The following PPARA variants were observed in gnomAD, a reference collection of about 807,000 sequenced individuals.
PPARA encodes peroxisome proliferator activated receptor alpha.
A neutral mutation model predicts 42.2 loss-of-function variants in PPARA; 22 were observed. The ratio of observed to expected loss-of-function variants is 0.52; its 90% CI spans 0.37 to 0.74. The LOEUF (loss-of-function observed/expected upper bound fraction) is 0.74, where lower values mean the gene tolerates loss of function less well. Among genes scored for constraint, PPARA ranks in the 30% least tolerant of loss-of-function variants. The pLI is 0.00. For missense variants in PPARA, 465 were observed against 608.2 expected (o/e 0.76, Z 2.48); for synonymous variants, 242 against 239.3 (o/e 1.01, Z -0.10).
rs187273495 is a variant in PPARA at position 46,186,593 on chromosome 22, T to C, written c.-43+9757T>C. Among the ~76,000 whole-genome samples, 191 of 152,182 alleles carry C rather than the reference T, an allele frequency of 1.3e-3. 2 individuals are homozygous for C. The highest frequency in any genetic ancestry group is 8.2e-3 in the Admixed American group (125 of 15,270). ...TGTCATTAACCTAAATTTACAGTTATTGAAACTGAGGTTCAGCCAGGCGTA... is the reference window on the plus strand; with the variant it reads ...TGTCATTAACCTAAATTTACAGTTACTGAAACTGAGGTTCAGCCAGGCGTA... On this transcript the variant is annotated intron_variant, in intron 3 of 8. Transcript: ENST00000407236.
At position 46,167,062 on chromosome 22, in the gene PPARA, G is replaced by T. The variant is rs948041436; in HGVS notation, c.-126-9691G>T. 3.9e-5 allele frequency among the ~76,000 whole-genome samples: 6 copies of T among 152,096 alleles called. No individual in the cohort carries two copies. The highest frequency in any genetic ancestry group is 1.4e-4 in the African/African-American group (6 of 41,408). On this transcript the variant is annotated intron_variant, in intron 2 of 8. Transcript: ENST00000407236. This position sits in a 1 kb window ranked among gnomAD's most constrained non-coding sequence, Gnocchi z 4.1. Reference sequence around the variant, plus strand: ...TTAGATGAATGGAACAGAATAGCAAGTCCAGAAATAGATCCACACATATAT... The same window carrying T: ...TTAGATGAATGGAACAGAATAGCAATTCCAGAAATAGATCCACACATATAT...
In PPARA at chr22:46,188,391, C is replaced by T. The variant is rs1396933011; in HGVS notation, c.-42-9951C>T. 6.6e-6 allele frequency among the ~76,000 whole-genome samples: 1 copy of T among 152,142 alleles called. No homozygotes were observed. The highest frequency in any genetic ancestry group is 2.4e-5 in the African/African-American group (1 of 41,432). ...TTACCCTCCTTTCTGTTGGGTTTTC[C>T]TATGGAATATCCAGTCAGCCTTTAG... is the stretch of plus-strand genomic sequence containing the variant. On this transcript the variant is annotated intron_variant, in intron 3 of 8. Transcript: ENST00000407236. This position sits in a 1 kb window ranked among gnomAD's most constrained non-coding sequence, Gnocchi z 5.0.
rs923689066 is a variant in PPARA, at chr22:46,212,485, T to G, written c.209-2688T>G. On this transcript the variant is annotated intron_variant, in intron 4 of 8. Transcript: ENST00000407236. The surrounding 1 kb of genome is among the most constrained non-coding windows in gnomAD (Gnocchi z 4.2). ...TTTTTACCATTGCTATAATTTTGCC[T>G]TTTCCAGAACGCCATGAATTTGAAA... is the stretch of plus-strand genomic sequence containing the variant. 6.6e-6 allele frequency among the ~76,000 whole-genome samples: 1 copy of G among 152,206 alleles called. No homozygotes were observed. Among genetic ancestry groups the G allele is most frequent in the African/African-American group, 2.4e-5 (1 of 41,460 alleles).
rs374192703 is a variant in PPARA at position 46,230,276 on chromosome 22, C to T, written c.712-1516C>T. On this transcript the variant is annotated intron_variant, in intron 7 of 8. Transcript: ENST00000407236. This position sits in a 1 kb window ranked among gnomAD's most constrained non-coding sequence, Gnocchi z 5.0. ...ATCCCAGCTACTCAGAAGGCTGAGGCGGGAGAATCGCTTGAACCTGGGAGG... is the reference window on the plus strand; with the variant it reads ...ATCCCAGCTACTCAGAAGGCTGAGGTGGGAGAATCGCTTGAACCTGGGAGG... Among the ~76,000 whole-genome samples the T allele has an allele frequency of 8.6e-4, 131 of 152,014 alleles. No homozygotes were observed. Among genetic ancestry groups the T allele is most frequent in the Admixed American group, 2.5e-3 (38 of 15,264 alleles).
At chr22:46,164,891 A>G (rs1403858527) in intron 2 of PPARA, 1 of 152,258 alleles carries the variant, frequency 6.6e-6, no homozygotes, top group African/African-American at 2.4e-5. Flanking sequence ...TGAAGATTAC[A>G]GAATTACTTC....
Position 46,176,847 on chromosome 22 carries a change from G to A in PPARA, c.-43+11G>A, listed in dbSNP as rs4253662. On this transcript the variant is annotated intron_variant, in intron 3 of 8. Coordinates refer to ENST00000407236, the MANE Select transcript of PPARA (RefSeq NM_005036.6). ...CTTCATAGATAAGAGGTACATACAC[G>A]TTTAGGAGCATCGTGTCTTCCTGGT... The A allele has an allele frequency of 0.055, 8,372 of 152,348 alleles. 312 individuals are homozygous for A. The highest frequency in any genetic ancestry group is 0.082 in the Non-Finnish European group (5,596 of 68,048). 9.4% of individuals were successfully genotyped at this position (152,348 alleles called of 1,614,324 possible). A position where few individuals can be genotyped will look rare whatever the true frequency, so the allele number is the denominator to read the frequency against.
chr22:46,200,375 G>A lies in PPARA; in HGVS notation c.208+1784G>A, dbSNP rs1932782961. Among the ~76,000 whole-genome samples the A allele has an allele frequency of 6.6e-6, 1 of 152,260 alleles. No homozygotes were observed. The highest frequency in any genetic ancestry group is 2.4e-5 in the African/African-American group (1 of 41,476). ...GCCTGCTGCACACCGAGGCTCTGCG[G>A]TGCAGCCTGTTGCTCCAAGGCACGC... On this transcript the variant is annotated intron_variant, in intron 4 of 8. Coordinates refer to ENST00000407236, the MANE Select transcript of PPARA (RefSeq NM_005036.6). This position sits in a 1 kb window ranked among gnomAD's most constrained non-coding sequence, Gnocchi z 4.8.
chr22:46,197,126 T>G (rs1358657135), intron 3 of PPARA, among the ~76,000 whole-genome samples: 2 of 149,164 alleles, frequency 1.3e-5, no homozygotes, highest in Non-Finnish European at 3.0e-5. Context: ...CTCGGCTCAC[T>G]GCAACCTCCA....
In PPARA at chr22:46,183,139, C is replaced by T. The variant is rs1045800219; in HGVS notation, c.-43+6303C>T. Among the ~76,000 whole-genome samples the T allele has an allele frequency of 6.6e-6, 1 of 152,222 alleles. No homozygotes were observed. The highest frequency in any genetic ancestry group is 2.4e-5 in the African/African-American group (1 of 41,456). On this transcript the variant is annotated intron_variant, in intron 3 of 8. Transcript: ENST00000407236. This position sits in a 1 kb window ranked among gnomAD's most constrained non-coding sequence, Gnocchi z 5.5. ...AAATCCTCATCTGAGGACCCACACT[C>T]GGGTGCCCCAATGTGGCGGTGCTTA...
chr22:46,177,443 A>T (rs1601657523), intron 3 of PPARA, among the ~76,000 whole-genome samples: 1 of 149,822 alleles, frequency 6.7e-6, no homozygotes, highest in African/African-American at 2.5e-5. Flanking sequence ...CAGCCTGGGC[A>T]ACAGAACAAG....
chr22:46,235,244 C>A lies in PPARA; in HGVS notation c.1271C>A (p.Pro424Gln). The A allele has an allele frequency of 1.2e-6, 2 of 1,614,062 alleles. No individual in the cohort carries two copies. The highest frequency in any genetic ancestry group is 1.7e-6 in the Non-Finnish European group (2 of 1,180,022). The change falls in exon 9 of 9, where the codon CCA (proline) becomes CAA (glutamine). Residue 424 changes from proline (P) to glutamine (Q), a missense_variant. By Grantham distance (76) the Pro-to-Gln change is moderately conservative. This residue lies in a region of PPARA where 313 missense variants were observed against 469.1 expected (regional missense o/e 0.67). Transcript: ENST00000407236. The surrounding 1 kb of genome is among the most constrained non-coding windows in gnomAD (Gnocchi z 7.0). ...SNHPDDIFLF[P>Q]KLLQKMADLR... The stretch of plus-strand genomic sequence containing the variant: ...CACCCGGACGATATCTTTCTCTTCC[C>A]AAAACTTCTTCAAAAAATGGCAGAC...
intron 4 of PPARA, among the ~76,000 whole-genome samples, chr22:46,198,896 T>A (rs1932681522): frequency 6.6e-6 from 1 of 152,120 alleles, no homozygotes; most frequent in South Asian, 2.1e-4. Context: ...CCTGACCTCA[T>A]GATCTGCCCG....
chr22:46,172,364 C>G (rs1307724150), intron 2 of PPARA, among the ~76,000 whole-genome samples: 1 of 150,238 alleles, frequency 6.7e-6, no homozygotes, highest in African/African-American at 2.4e-5. Flanking sequence ...GGCAGTGGCT[C>G]ACGCCTGTAA....
chr22:46,198,260 A>G (rs1467082229), intron 3 of PPARA, 82 bp from the exon 4 acceptor site: 5 of 527,776 alleles, frequency 9.5e-6, no homozygotes, highest in African/African-American at 8.2e-5. Context: ...AAAAGAATAA[A>G]TAAATAAATA....
rs1931613927 is a variant in PPARA at position 46,191,909 on chromosome 22, T to C, written c.-42-6433T>C. On this transcript the variant is annotated intron_variant, in intron 3 of 8. Coordinates refer to ENST00000407236, the MANE Select transcript of PPARA (RefSeq NM_005036.6). The surrounding 1 kb of genome is among the most constrained non-coding windows in gnomAD (Gnocchi z 4.6). ...GGTGAAACCTTGTCTCTACTAAAAA[T>C]ACAAAAGTAGCCGGGCGTGGTGGCG... Among the ~76,000 whole-genome samples, 1 of 152,022 alleles carries C rather than the reference T, an allele frequency of 6.6e-6. No homozygotes were observed. The highest frequency in any genetic ancestry group is 2.1e-4 in the South Asian group (1 of 4,826).
chr22:46,168,625 G>A (rs1008871457), intron 2 of PPARA, among the ~76,000 whole-genome samples: 5 of 150,336 alleles, frequency 3.3e-5, no homozygotes, highest in Admixed American at 3.3e-4. Flanking sequence ...TTCAACAATG[G>A]GCATGTCATT....
At chr22:46,177,561 G>C (rs1929342618) in intron 3 of PPARA, among the ~76,000 whole-genome samples, 1 of 152,156 alleles carries the variant, frequency 6.6e-6, no homozygotes, top group South Asian at 2.1e-4. Flanking sequence ...ATGCATCCCA[G>C]TATTGAGTTG....
In PPARA at chr22:46,242,531, C is replaced by T. The variant is rs568312247; in HGVS notation, c.*7151C>T. 1 of 152,706 alleles carries T rather than the reference C, an allele frequency of 6.5e-6. No homozygotes were observed. The highest frequency in any genetic ancestry group is 1.9e-4 in the East Asian group (1 of 5,194). The allele number at this position is 152,706 out of a possible 1,614,324, so 9.5% of individuals were successfully genotyped here. A position where few individuals can be genotyped will look rare whatever the true frequency, so the allele number is the denominator to read the frequency against. On this transcript the variant is annotated 3_prime_UTR_variant, in exon 9 of 9. Transcript: ENST00000407236. The surrounding 1 kb of genome is among the most constrained non-coding windows in gnomAD (Gnocchi z 6.1). ...TACGTTAATAGCTATATCTTAAATACTGTGATTTGACTTTTTGAAAAATAT... is the reference window on the plus strand; with the variant it reads ...TACGTTAATAGCTATATCTTAAATATTGTGATTTGACTTTTTGAAAAATAT...
intron 2 of PPARA, among the ~76,000 whole-genome samples, chr22:46,175,538 C>T (rs1199249329): frequency 6.6e-6 from 1 of 151,732 alleles, no homozygotes; most frequent in Non-Finnish European, 1.5e-5. Context: ...ATGGTGAAAC[C>T]CCATCTCTAC....
Sources: gnomAD v4.1 joint callset for allele counts (sites outside exome capture counted in the v4.1 genomes callset) on GRCh38, gnomAD v4.1.1 for gene constraint, gnomAD v4.1.1 regional missense constraint, Gnocchi (gnomAD v3.1) non-coding constraint, MANE v1.5 for transcripts, NCBI Gene and HGNC (gene_info 2026-07-23, HGNC 2026-07-21) for gene names.